The following FARS2 variants were observed in gnomAD, a reference collection of about 807,000 sequenced individuals.
The protein encoded by FARS2 is phenylalanine--tRNA ligase, mitochondrial.
In FARS2, 40 loss-of-function variants were observed where a neutral mutation model predicts 46.4. The ratio of observed to expected loss-of-function variants is 0.86; its 90% CI spans 0.67 to 1.12. The LOEUF is 1.12. Ranked by LOEUF, FARS2 falls within the 50% of genes most tolerant of loss-of-function variation. The probability of loss-of-function intolerance (pLI) is 0.00; values close to 1 mark genes in which losing one functional copy is unlikely to be tolerated. For missense variants in FARS2, 513 were observed against 567.9 expected, an observed-to-expected ratio of 0.90 and a Z score of 0.98; for synonymous variants, 234 against 214.9, an observed-to-expected ratio of 1.09 and a Z score of -0.78.
chr6:5,608,618 A>T (rs1299566660), intron 5 of FARS2, among the ~76,000 whole-genome samples: 1 of 72,232 alleles, frequency 1.4e-5, no homozygotes, highest in African/African-American at 3.3e-5. Flanking sequence ...CAATTTAGAT[A>T]TATTGCATAG....
chr6:5,590,694 G>T (rs1450500196), intron 5 of FARS2, among the ~76,000 whole-genome samples: 1 of 152,206 alleles, frequency 6.6e-6, no homozygotes, highest in African/African-American at 2.4e-5. Flanking sequence ...TGGAAGTACA[G>T]CTTTGTACAT....
intron 1 of FARS2, among the ~76,000 whole-genome samples, chr6:5,289,771 AT>A (rs1453679790): frequency 6.6e-6 from 1 of 152,190 alleles, no homozygotes. Context: ...GATACTTTCA[AT>A]TTTTCATCTG....
intron 6 of FARS2, among the ~76,000 whole-genome samples, chr6:5,626,955 T>C (rs1057003942): frequency 1.3e-5 from 2 of 152,246 alleles, no homozygotes. Context: ...GTTACTGTAT[T>C]GAATACTGTA....
intron 6 of FARS2, among the ~76,000 whole-genome samples, chr6:5,671,671 G>A (rs1308434108): frequency 1.3e-5 from 2 of 152,188 alleles, no homozygotes; most frequent in East Asian, 3.8e-4. Context: ...CAAGAACCAA[G>A]CACATGTTTA....
At chr6:5,567,652 A>G (rs975925467) in intron 5 of FARS2, among the ~76,000 whole-genome samples, 4 of 152,256 alleles carry the variant, frequency 2.6e-5, no homozygotes, top group African/African-American at 9.6e-5. Context: ...AGGTTCAGAC[A>G]ATAGATGGAG....
intron 1 of FARS2, among the ~76,000 whole-genome samples, chr6:5,268,775 T>C (rs533270343): frequency 3.2e-4 from 49 of 152,292 alleles, no homozygotes; most frequent in Admixed American, 3.1e-3. Context: ...TGGCACTGAA[T>C]CTATAAATTA....
chr6:5,550,586 T>A (rs1268422826), intron 5 of FARS2, among the ~76,000 whole-genome samples: 1 of 152,172 alleles, frequency 6.6e-6, no homozygotes, highest in East Asian at 1.9e-4. Context: ...TTGTTAAGGG[T>A]GGCATGTATA....
chr6:5,404,217 G>A (rs978099458), intron 2 of FARS2, among the ~76,000 whole-genome samples: 1 of 152,174 alleles, frequency 6.6e-6, no homozygotes, highest in East Asian at 1.9e-4. Flanking sequence ...ATATGAAAGC[G>A]ATTCACTAGT....
chr6:5,430,380 A>G (rs576031823), intron 3 of FARS2, among the ~76,000 whole-genome samples: 1 of 152,246 alleles, frequency 6.6e-6, no homozygotes, highest in Non-Finnish European at 1.5e-5. Flanking sequence ...CATTGCTTAA[A>G]TTACAGCACT....
intron 6 of FARS2, among the ~76,000 whole-genome samples, chr6:5,745,887 T>A (rs1761607357): frequency 6.6e-6 from 1 of 152,154 alleles, no homozygotes; most frequent in Non-Finnish European, 1.5e-5. Flanking sequence ...GAGCCCTCTG[T>A]GACCCTGTGT....
At chr6:5,635,411 A>G (rs1776495139) in intron 6 of FARS2, among the ~76,000 whole-genome samples, 1 of 151,110 alleles carries the variant, frequency 6.6e-6, no homozygotes, top group Non-Finnish European at 1.5e-5. Flanking sequence ...TGTTTTTGAT[A>G]GAAAAAAGAG....
At chr6:5,339,008 C>T (rs776586930) in intron 1 of FARS2, among the ~76,000 whole-genome samples, 21 of 152,052 alleles carry the variant, frequency 1.4e-4, no homozygotes, top group Non-Finnish European at 2.4e-4. Context: ...TTGGTGAAAA[C>T]GAGTTGAAAC....
At chr6:5,288,147 T>C (rs1229152315) in intron 1 of FARS2, among the ~76,000 whole-genome samples, 1 of 152,208 alleles carries the variant, frequency 6.6e-6, no homozygotes, top group East Asian at 1.9e-4. Context: ...GACAAAGATC[T>C]CCTCTGGGTC....
rs1757055045 is a variant in FARS2, at chr6:5,343,873, A to G, written c.-21-24677A>G. On this transcript the variant is annotated intron_variant, in intron 1 of 6. Transcript: ENST00000274680. This position sits in a 1 kb window ranked among gnomAD's most constrained non-coding sequence, Gnocchi z 4.5. Reference sequence around the variant, plus strand: ...TGAAGTTTACCTCCCCAGTCCCTTTAAAAGATAAAAACAAATTAGCTCAAA... The same window carrying G: ...TGAAGTTTACCTCCCCAGTCCCTTTGAAAGATAAAAACAAATTAGCTCAAA... Among the ~76,000 whole-genome samples the G allele has an allele frequency of 6.6e-6, 1 of 152,166 alleles. No individual in the cohort carries two copies.
intron 6 of FARS2, among the ~76,000 whole-genome samples, chr6:5,722,570 C>T (rs1759981107): frequency 6.6e-6 from 1 of 152,146 alleles, no homozygotes; most frequent in Non-Finnish European, 1.5e-5. Flanking sequence ...CAAGAGCTCA[C>T]AGGGAATGTT....
At position 5,745,933 on chromosome 6, in the gene FARS2, G is replaced by A. The variant is rs1003449307; in HGVS notation, c.1218-25358G>A. 1.8e-4 allele frequency among the ~76,000 whole-genome samples: 27 copies of A among 152,256 alleles called. No homozygotes were observed. The East Asian group carries it at 2.9e-3, about 16-fold the overall frequency. On this transcript the variant is annotated intron_variant, in intron 6 of 6. Coordinates refer to ENST00000274680, the MANE Select transcript of FARS2 (RefSeq NM_006567.5). ...CGGAGGAGAACCCTGGGGAGACCTC[G>A]TCATTGGAAGGAACCCCAAAAGGCT...
chr6:5,398,723 C>T (rs753075537), intron 2 of FARS2, among the ~76,000 whole-genome samples: 7 of 152,144 alleles, frequency 4.6e-5, no homozygotes, highest in Non-Finnish European at 8.8e-5. Context: ...ATATATGTTA[C>T]AAAATATGAA....
intron 1 of FARS2, among the ~76,000 whole-genome samples, chr6:5,298,216 C>G (rs1470921457): frequency 1.3e-5 from 2 of 152,232 alleles, no homozygotes; most frequent in African/African-American, 4.8e-5. Flanking sequence ...GCCTGTGTGT[C>G]ACTTCATGTC....
At chr6:5,752,576 A>T (rs968977830) in intron 6 of FARS2, among the ~76,000 whole-genome samples, 2 of 152,240 alleles carry the variant, frequency 1.3e-5, no homozygotes, top group African/African-American at 4.8e-5. Flanking sequence ...AACAGCAAGG[A>T]TCACTGCCAG....
Sources: allele counts gnomAD v4.1 joint callset (sites outside exome capture counted in the v4.1 genomes callset), GRCh38; gene constraint gnomAD v4.1.1; non-coding constraint Gnocchi (gnomAD v3.1); transcripts MANE v1.5; gene names NCBI Gene and HGNC (gene_info 2026-07-23, HGNC 2026-07-21).